The following ERGIC1 variants were observed in gnomAD, a reference collection of about 807,000 sequenced individuals.
ERGIC1 encodes endoplasmic reticulum-golgi intermediate compartment 1.
In ERGIC1, 19 loss-of-function variants were observed where a neutral mutation model predicts 38.3. The observed-to-expected ratio is 0.50, with a 90% CI of 0.35 to 0.73. The LOEUF is 0.73. Among genes scored for constraint, ERGIC1 ranks in the 30% least tolerant of loss-of-function variants. The pLI is 0.01. For missense variants in ERGIC1, 294 were observed against 389.2 expected (o/e 0.76, Z 2.06); for synonymous variants, 124 against 157.6 (o/e 0.79, Z 1.60).
intron 1 of ERGIC1, among the ~76,000 whole-genome samples, chr5:172,845,205 C>G (rs1761258198): frequency 1.3e-5 from 2 of 152,288 alleles, no homozygotes; most frequent in African/African-American, 4.8e-5. Flanking sequence ...TGGATACCCT[C>G]CATCTACTCA....
chr5:172,925,392 GA>G (rs1459396884), intron 6 of ERGIC1, among the ~76,000 whole-genome samples: 28 of 152,322 alleles, frequency 1.8e-4, no homozygotes, highest in Non-Finnish European at 2.9e-4. Context: ...TCAGTCTCAA[GA>G]CAGCAAATAG....
intron 1 of ERGIC1, among the ~76,000 whole-genome samples, chr5:172,835,527 T>TG (rs889567718): frequency 6.6e-6 from 1 of 152,084 alleles, no homozygotes; most frequent in Non-Finnish European, 1.5e-5. Flanking sequence ...CATTAGTGGA[T>TG]GGGGGGTGTT....
At chr5:172,915,586 T>G (rs1325288865) in intron 5 of ERGIC1, 1 of 471,062 alleles carries the variant, frequency 2.1e-6, no homozygotes, top group Non-Finnish European at 4.4e-6. Context: ...AGGCACCCGG[T>G]GGCAGCTGGC....
intron 1 of ERGIC1, among the ~76,000 whole-genome samples, chr5:172,840,661 G>A (rs1042776258): frequency 2.6e-5 from 4 of 152,114 alleles, no homozygotes; most frequent in African/African-American, 9.7e-5. Flanking sequence ...CATGACCTTC[G>A]GCAACTCTGT....
chr5:172,863,107 C>T (rs1438827217), intron 1 of ERGIC1, among the ~76,000 whole-genome samples: 4 of 152,206 alleles, frequency 2.6e-5, no homozygotes, highest in Non-Finnish European at 4.4e-5. Context: ...CACACCATCA[C>T]ACCTGGCTAA....
At chr5:172,894,393 A>C (rs1762670016) in intron 2 of ERGIC1, among the ~76,000 whole-genome samples, 1 of 151,326 alleles carries the variant, frequency 6.6e-6, no homozygotes, top group Non-Finnish European at 1.5e-5. Flanking sequence ...ACGGGGTTTC[A>C]CCGTGTTGGT....
intron 1 of ERGIC1, among the ~76,000 whole-genome samples, chr5:172,849,271 T>C (rs967197703): frequency 1.3e-5 from 2 of 152,148 alleles, no homozygotes; most frequent in Non-Finnish European, 2.9e-5. Flanking sequence ...AACTGTGCTC[T>C]CTCTAGCAAA....
At chr5:172,948,814 T>G (rs1408246138) in intron 9 of ERGIC1, among the ~76,000 whole-genome samples, 1 of 152,100 alleles carries the variant, frequency 6.6e-6, no homozygotes, top group Admixed American at 6.5e-5. Flanking sequence ...TTTGGGGGGC[T>G]GAGACAGATG....
intron 7 of ERGIC1, among the ~76,000 whole-genome samples, chr5:172,927,292 C>G (rs1252247328): frequency 6.6e-6 from 1 of 152,178 alleles, no homozygotes; most frequent in African/African-American, 2.4e-5. Flanking sequence ...CACCTTTTAA[C>G]CCACATCTTT....
At chr5:172,871,906 A>G (rs1030348561) in intron 1 of ERGIC1, among the ~76,000 whole-genome samples, 7 of 152,198 alleles carry the variant, frequency 4.6e-5, no homozygotes, top group Admixed American at 4.6e-4. Flanking sequence ...GGAAGTGATC[A>G]CCAACTAGCC....
chr5:172,933,403 T>G (rs1478655196), intron 8 of ERGIC1: 1 of 152,240 alleles, frequency 6.6e-6, no homozygotes, highest in Non-Finnish European at 1.5e-5. Flanking sequence ...AGCTCTGATG[T>G]TGAGACTGTT....
intron 1 of ERGIC1, among the ~76,000 whole-genome samples, chr5:172,885,590 C>T (rs1054488791): frequency 3.3e-5 from 5 of 152,164 alleles, no homozygotes; most frequent in African/African-American, 7.2e-5. Flanking sequence ...ATCCCCTGTG[C>T]ACCCCCTCAT....
intron 3 of ERGIC1, among the ~76,000 whole-genome samples, chr5:172,900,831 C>T (rs747844491): frequency 5.9e-5 from 9 of 152,148 alleles, no homozygotes; most frequent in East Asian, 1.9e-4. Flanking sequence ...GAGATCTGTC[C>T]GGAGCTGAGG....
At position 172,909,937 on chromosome 5, in the gene ERGIC1, A is replaced by C. The variant is rs148354640; in HGVS notation, c.250+176A>C. 1.5e-3 allele frequency among the ~76,000 whole-genome samples: 225 copies of C among 152,262 alleles called. 1 individual carries two copies. The highest frequency in any genetic ancestry group is 2.5e-3 in the Non-Finnish European group (170 of 68,020). On this transcript the variant is annotated intron_variant, in intron 4 of 9. Transcript: ENST00000393784. ...CACTTGGAGGTTTTCTGGCATAATA[A>C]ACACAAGACACTACTCATAGGGGTT... is the stretch of plus-strand genomic sequence containing the variant.
intron 5 of ERGIC1, chr5:172,915,498 C>T (rs1358450202): frequency 4.4e-6 from 2 of 453,478 alleles, no homozygotes; most frequent in Admixed American, 4.8e-5. Context: ...ATTCAAGGTT[C>T]ACTGTTGTTT....
At chr5:172,909,532 G>A (rs1763153903) in intron 3 of ERGIC1, 135 bp from the exon 4 acceptor site, 2 of 747,646 alleles carry the variant, frequency 2.7e-6, no homozygotes, top group South Asian at 1.6e-5. Context: ...GGGCACAGGA[G>A]GTGCAGGCTC....
chr5:172,950,713 G>A lies in ERGIC1; in HGVS notation c.770G>A (p.Cys257Tyr). 6.2e-7 allele frequency: 1 copy of A among 1,612,246 alleles called. No individual in the cohort carries two copies. The highest frequency in any genetic ancestry group is 8.5e-7 in the Non-Finnish European group (1 of 1,178,698). ...QPLYRFITTI[C>Y]AIIGGTFTVA... ...CCCACCCCTGCCCTCTTGCAGATCTGTGCCATCATTGGCGGGACCTTCACC... is the reference window on the plus strand; with the variant it reads ...CCCACCCCTGCCCTCTTGCAGATCTATGCCATCATTGGCGGGACCTTCACC... The change falls in exon 10 of 10, where the codon TGT becomes TAT. Residue 257 changes from cysteine to tyrosine, a missense_variant. Coordinates refer to ENST00000393784, the MANE Select transcript of ERGIC1 (RefSeq NM_001031711.3).
intron 1 of ERGIC1, among the ~76,000 whole-genome samples, chr5:172,886,174 A>G (rs970365237): frequency 6.6e-6 from 1 of 151,786 alleles, no homozygotes; most frequent in Non-Finnish European, 1.5e-5. Context: ...CCTGGCCCTC[A>G]GGACCCTCTC....
Position 172,867,735 on chromosome 5 carries a change from C to T in ERGIC1, c.21-20964C>T, listed in dbSNP as rs6866445. ...TTTCCCTTTCCATCTGCAAATATAC[C>T]CACCATTTCCCTTCCCTGCATTCTG... On this transcript the variant is annotated intron_variant, in intron 1 of 9. Transcript: ENST00000393784. 3.3e-3 allele frequency: 718 copies of T among 215,636 alleles called. 4 individuals carry two copies. Among genetic ancestry groups the T allele is most frequent in the African/African-American group, 0.016 (671 of 42,998 alleles). The allele number at this position is 215,636 out of a possible 1,614,324, so 13.4% of individuals were successfully genotyped here. A position where few individuals can be genotyped will look rare whatever the true frequency, so the allele number is the denominator to read the frequency against.
Sources: gnomAD v4.1 joint callset for allele counts (sites outside exome capture counted in the v4.1 genomes callset) on GRCh38, gnomAD v4.1.1 for gene constraint, MANE v1.5 for transcripts, NCBI Gene and HGNC (gene_info 2026-07-23, HGNC 2026-07-21) for gene names.